NCOR2: variants seen among roughly 807,000 people sequenced by gnomAD.
NCOR2 encodes the protein nuclear receptor corepressor 2.
Under a neutral mutation model 262.9 loss-of-function variants are expected in NCOR2, and 81 were observed. The observed-to-expected ratio is 0.31, with a 90% CI of 0.26 to 0.37. The LOEUF (loss-of-function observed/expected upper bound fraction) is 0.37. Among genes scored for constraint, NCOR2 ranks in the 10% least tolerant of loss-of-function variants. The pLI, the probability that NCOR2 is intolerant of heterozygous loss-of-function variation, is 1.00. For missense variants in NCOR2, 3,385 were observed against 3,621.4 expected (o/e 0.93, Z 1.68); for synonymous variants, 1,659 against 1,559.3 (o/e 1.06, Z -1.51).
At chr12:124,333,333 G>C (rs968974898) in intron 41 of NCOR2, 54 bp from the exon 44 acceptor site, 8 of 1,429,484 alleles carry the variant, frequency 5.6e-6, no homozygotes, top group Non-Finnish European at 7.4e-6. Flanking sequence ...CTGAGGGGGC[G>C]CACCCTCCCT....
intron 17 of NCOR2, among the ~76,000 whole-genome samples, chr12:124,380,376 G>A (rs542833289): frequency 9.9e-5 from 15 of 152,230 alleles, no homozygotes; most frequent in East Asian, 3.9e-4. Flanking sequence ...ACGACTGCTC[G>A]TCCGTTAGTC....
At position 124,505,323 on chromosome 12, in the gene NCOR2, C is replaced by T. The variant is rs2048986536; in HGVS notation, c.-117-9955G>A. ...GTGCCATGGCCCGCTCCCCCTGCCACTCCCATGGACTCGGCCCCCTGTGCC... is the reference window on the plus strand; with the variant it reads ...GTGCCATGGCCCGCTCCCCCTGCCATTCCCATGGACTCGGCCCCCTGTGCC... On this transcript the variant is annotated intron_variant, in intron 1 of 46. Transcript: ENST00000404621. 2.6e-5 allele frequency among the ~76,000 whole-genome samples: 4 copies of T among 152,250 alleles called. No homozygotes were observed. The South Asian group carries it at 6.2e-4, about 24-fold the overall frequency.
At position 124,481,803 on chromosome 12, in the gene NCOR2, A is replaced by G; in HGVS notation, c.411+1793T>C. On this transcript the variant is annotated intron_variant, in intron 3 of 46. Transcript: ENST00000405201. The surrounding 1 kb of genome is among the most constrained non-coding windows in gnomAD (Gnocchi z 4.6). Reference sequence around the variant, plus strand: ...CAGGGGGGAACACACAGGGGGATGCAGTCGTCTGCCTTTATAAGAGCCCTC... The same window carrying G: ...CAGGGGGGAACACACAGGGGGATGCGGTCGTCTGCCTTTATAAGAGCCCTC... Among the ~76,000 whole-genome samples the G allele has an allele frequency of 6.6e-6, 1 of 152,106 alleles. No individual in the cohort carries two copies. The highest frequency in any genetic ancestry group is 1.9e-4 in the East Asian group (1 of 5,186).
rs1212771966 is a variant in NCOR2, at chr12:124,335,300, G to T, written c.6266-20C>A. The T allele has an allele frequency of 6.4e-7, 1 of 1,563,776 alleles. No individual in the cohort carries two copies. Among genetic ancestry groups the T allele is most frequent in the Middle Eastern group, 2.3e-4 (1 of 4,348 alleles). The stretch of plus-strand genomic sequence containing the variant: ...CGGGGCCTGCAGGCAGAGCAGAGCT[G>T]GTCAGGGGGTGTCTGCTGGCCCCAG... On this transcript the variant is annotated intron_variant, in intron 39 of 46. Transcript: ENST00000405201.
intron 17 of NCOR2, among the ~76,000 whole-genome samples, chr12:124,384,275 C>T (rs1261859211): frequency 1.3e-5 from 2 of 152,240 alleles, no homozygotes; most frequent in African/African-American, 4.8e-5. Flanking sequence ...CAAGGGACTT[C>T]AGCAAGTGTT....
chr12:124,457,392 A>G lies in NCOR2; in HGVS notation c.706-230T>C, dbSNP rs1489177241. ...GCCCCAGCAAGCCAGCCAAGTTTCG[A>G]TTTTAGCAAATGCGCCGGGTCCACT... On this transcript the variant is annotated intron_variant, in intron 5 of 46. Transcript: ENST00000405201. This position sits in a 1 kb window ranked among gnomAD's most constrained non-coding sequence, Gnocchi z 4.0. 2.6e-5 allele frequency among the ~76,000 whole-genome samples: 4 copies of G among 151,800 alleles called. No homozygotes were observed. The East Asian group carries it at 5.9e-4, about 22-fold the overall frequency.
intron 18 of NCOR2, among the ~76,000 whole-genome samples, chr12:124,375,582 C>G (rs1371021567): frequency 6.6e-6 from 1 of 152,130 alleles, no homozygotes; most frequent in Non-Finnish European, 1.5e-5. Context: ...ACAAGAGTGA[C>G]CAAAAAACCA....
chr12:124,540,297 T>C (rs1185407836), upstream of NCOR2, among the ~76,000 whole-genome samples: 1 of 147,896 alleles, frequency 6.8e-6, no homozygotes, highest in Non-Finnish European at 1.5e-5. Context: ...GAGGAACAGG[T>C]GTCCATGAGG....
chr12:124,354,708 G>C (rs1233355862), intron 25 of NCOR2, 126 bp from the exon 28 acceptor site: 3 of 1,299,018 alleles, frequency 2.3e-6, no homozygotes, highest in East Asian at 2.5e-5. Flanking sequence ...AGCCAGGGCT[G>C]CTGAGGGGGG....
At chr12:124,361,099 C>T (rs1377211120) in intron 22 of NCOR2, among the ~76,000 whole-genome samples, 2 of 132,210 alleles carry the variant, frequency 1.5e-5, no homozygotes, top group African/African-American at 5.9e-5. Flanking sequence ...TCCAACCTGG[C>T]GAGAGTGACA....
chr12:124,348,124 C>T (rs747520455), intron 29 of NCOR2, 50 bp downstream of exon 31: 9 of 1,602,378 alleles, frequency 5.6e-6, no homozygotes, highest in Admixed American at 1.7e-5. Flanking sequence ...GCCATCCCCC[C>T]ACCGCCCACC....
chr12:124,433,908 A>ACACG (rs2044176527), intron 8 of NCOR2, among the ~76,000 whole-genome samples: 1 of 147,242 alleles, frequency 6.8e-6, no homozygotes, highest in African/African-American at 2.7e-5. Flanking sequence ...ACGCACACAC[A>ACACG]CACACAGGGA....
chr12:124,355,301 C>A, intron 24 of NCOR2, 131 bp downstream of exon 26: 1 of 1,166,982 alleles, frequency 8.6e-7, no homozygotes, highest in Non-Finnish European at 1.2e-6. Flanking sequence ...CCAGCTCAGA[C>A]CCCAGATGCC....
chr12:124,557,448 C>T (rs182570492), intron 1 of NCOR2, among the ~76,000 whole-genome samples: 55 of 152,330 alleles, frequency 3.6e-4, no homozygotes, highest in Admixed American at 1.3e-3. Context: ...CCTCCATTAT[C>T]GCACGGCCTT....
Position 124,504,470 on chromosome 12 carries a change from T to C in NCOR2, c.-117-9102A>G, listed in dbSNP as rs988462832. On this transcript the variant is annotated intron_variant, in intron 1 of 46. Coordinates refer to the NCOR2 transcript ENST00000404621. The surrounding 1 kb of genome is among the most constrained non-coding windows in gnomAD (Gnocchi z 4.5). ...TGTCAGATGTGCAGTGCAGCCACTG[T>C]GGAAAACAGTCACTAGGTTAAACCC... 6.6e-6 allele frequency among the ~76,000 whole-genome samples: 1 copy of C among 152,156 alleles called. No individual in the cohort carries two copies. Among genetic ancestry groups the C allele is most frequent in the African/African-American group, 2.4e-5 (1 of 41,418 alleles).
rs143608345 is a variant in NCOR2, at chr12:124,453,505, G to T, written c.762+3601C>A. 5.3e-3 allele frequency among the ~76,000 whole-genome samples: 805 copies of T among 152,310 alleles called. 7 individuals carry two copies. Among genetic ancestry groups the T allele is most frequent in the African/African-American group, 0.018 (764 of 41,570 alleles). On this transcript the variant is annotated intron_variant, in intron 6 of 46. Transcript: ENST00000405201. ...GGGCAAAGGGGAGCAGGTGCCAGAC[G>T]CAGGGCGCAGGCAGAGATGAGGCAT...
chr12:124,457,590 G>A lies in NCOR2; in HGVS notation c.706-428C>T, dbSNP rs1216262000. On this transcript the variant is annotated intron_variant, in intron 5 of 46. Transcript: ENST00000405201. The surrounding 1 kb of genome is among the most constrained non-coding windows in gnomAD (Gnocchi z 4.0). ...AGAGCTAGTGCAGCCAGCGAGGGAA[G>A]GAGGAGGAGGAGGAGGAGGGAGGGT... Among the ~76,000 whole-genome samples, 1 of 151,718 alleles carries A rather than the reference G, an allele frequency of 6.6e-6. No homozygotes were observed. The highest frequency in any genetic ancestry group is 6.6e-5 in the Admixed American group (1 of 15,222).
chr12:124,555,419 T>A (rs544654604), intron 1 of NCOR2, among the ~76,000 whole-genome samples: 100 of 152,178 alleles, frequency 6.6e-4, no homozygotes, highest in African/African-American at 2.3e-3. Flanking sequence ...CACGGGGGCA[T>A]CCCGACCCAG....
chr12:124,550,007 G>A (rs1046122484), intron 1 of NCOR2, among the ~76,000 whole-genome samples: 5 of 152,190 alleles, frequency 3.3e-5, no homozygotes, highest in Non-Finnish European at 5.9e-5. Flanking sequence ...ATCCTGTATC[G>A]CAGGGGTCTG....
Sources: gnomAD v4.1 joint callset for allele counts (sites outside exome capture counted in the v4.1 genomes callset) on GRCh38, gnomAD v4.1.1 for gene constraint, Gnocchi (gnomAD v3.1) non-coding constraint, MANE v1.5 for transcripts, NCBI Gene and HGNC (gene_info 2026-07-23, HGNC 2026-07-21) for gene names.